Variants in STX18 observed in about 807,000 individuals in gnomAD.
STX18 encodes the protein syntaxin-18.
A neutral mutation model predicts 50.1 loss-of-function variants in STX18; 40 were observed. The observed-to-expected ratio is 0.80, with a 90% CI of 0.62 to 1.04. The LOEUF (loss-of-function observed/expected upper bound fraction) is 1.04, where lower values mean the gene tolerates loss of function less well. STX18 is among the 50% of genes least tolerant of loss of function. The pLI is 0.00. For synonymous variants in STX18, 158 were observed against 151.8 expected (o/e 1.04, Z -0.30); for missense variants, 410 against 415.8 (o/e 0.99, Z 0.12).
chr4:4,512,816 C>G (rs1009290366), intron 1 of STX18, among the ~76,000 whole-genome samples: 7 of 152,140 alleles, frequency 4.6e-5, no homozygotes, highest in Non-Finnish European at 7.3e-5. Context: ...AATATTGTTA[C>G]TAAATATTGC....
intron 3 of STX18, among the ~76,000 whole-genome samples, chr4:4,458,249 T>A (rs887969751): frequency 7.9e-5 from 12 of 152,236 alleles, no homozygotes; most frequent in African/African-American, 2.7e-4. Context: ...TGGTTTCATA[T>A]GTAAATGTAG....
At chr4:4,482,817 G>A (rs958218456) in intron 1 of STX18, among the ~76,000 whole-genome samples, 1 of 152,202 alleles carries the variant, frequency 6.6e-6, no homozygotes, top group African/African-American at 2.4e-5. Context: ...GAGGCAAGCT[G>A]TAAGTGATAA....
rs369110155 is a variant in STX18, at chr4:4,538,563, G to C, written c.168+3234C>G. On this transcript the variant is annotated intron_variant, in intron 1 of 10. Transcript: ENST00000306200. ...AAATATGTCTAAATGGCCTACATGA[G>C]GAGGGGGGAGGTAGTTTGGGGGAAC... is the stretch of plus-strand genomic sequence containing the variant. 1.3e-4 allele frequency among the ~76,000 whole-genome samples: 18 copies of C among 143,396 alleles called. No homozygotes were observed. In the East Asian group the frequency reaches 1.8e-3, roughly 14 times the overall value. 94.1% of individuals were successfully genotyped at this position (143,396 alleles called of 152,430 possible). A position where few individuals can be genotyped will look rare whatever the true frequency, so the allele number is the denominator to read the frequency against.
chr4:4,531,866 A>T (rs910923213), intron 1 of STX18, among the ~76,000 whole-genome samples: 1 of 152,252 alleles, frequency 6.6e-6, no homozygotes, highest in Admixed American at 6.5e-5. Context: ...AACAAAAAAC[A>T]AACTACATTT....
intron 1 of STX18, among the ~76,000 whole-genome samples, chr4:4,517,984 A>G (rs1029951875): frequency 1.1e-4 from 16 of 152,136 alleles, no homozygotes. Context: ...CATGTTGGCC[A>G]GGCTGGTCTC....
rs372566368 is a variant in STX18, at chr4:4,527,867, C to CACATATATATATATATAT, written c.168+13929_168+13930insATATATATATATATATGT. Among the ~76,000 whole-genome samples the CACATATATATATATATAT allele has an allele frequency of 4.2e-3, 582 of 137,176 alleles. 6 individuals carry two copies. Among genetic ancestry groups the CACATATATATATATATAT allele is most frequent in the African/African-American group, 0.015 (565 of 37,838 alleles). The allele number at this position is 137,176 out of a possible 152,430, so 90.0% of individuals were successfully genotyped here. On this transcript the variant is annotated intron_variant, in intron 1 of 10. Transcript: ENST00000306200. ...ATATATATATACACACACACACACA[C>CACATATATATATATATAT]ATATATATATATATTAAAAACTACC...
At chr4:4,504,657 AGACTT>A (rs969218787) in intron 1 of STX18, among the ~76,000 whole-genome samples, 6 of 152,224 alleles carry the variant, frequency 3.9e-5, no homozygotes, top group Non-Finnish European at 8.8e-5. Context: ...AATAGGCAAA[AGACTT>A]GAACAGACAC....
rs73084395 is a variant in STX18, at chr4:4,420,716, C to T, written c.912+148G>A. The T allele has an allele frequency of 0.016, 11,214 of 701,880 alleles. 805 individuals are homozygous for T. The African/African-American group carries it at 0.16, about 10-fold the overall frequency. 43.5% of individuals were successfully genotyped at this position (701,880 alleles called of 1,614,324 possible). ...ACAGGTGGTGGGTCTCATGAACACA[C>T]GCAGCTCCGCGGTCACACAATTTTG... On this transcript the variant is annotated intron_variant, in intron 10 of 10. Coordinates refer to ENST00000306200, the MANE Select transcript of STX18 (RefSeq NM_016930.4). This position sits in a 1 kb window ranked among gnomAD's most constrained non-coding sequence, Gnocchi z 4.3.
At chr4:4,499,803 T>C (rs1729350325) in intron 1 of STX18, among the ~76,000 whole-genome samples, 1 of 152,046 alleles carries the variant, frequency 6.6e-6, no homozygotes, top group Admixed American at 6.5e-5. Flanking sequence ...CCAAACTGCT[T>C]GCTAAATAAA....
intron 1 of STX18, among the ~76,000 whole-genome samples, chr4:4,527,031 C>T (rs965222694): frequency 3.3e-5 from 5 of 152,114 alleles, no homozygotes; most frequent in Non-Finnish European, 7.4e-5. Context: ...GATTTAACTT[C>T]CTCTTGTCAT....
At chr4:4,458,207 G>A (rs1348858619) in intron 3 of STX18, among the ~76,000 whole-genome samples, 1 of 152,182 alleles carries the variant, frequency 6.6e-6, no homozygotes, top group Non-Finnish European at 1.5e-5. Flanking sequence ...AAGAAACTAA[G>A]GTTCAGAGGC....
At chr4:4,507,586 G>C in intron 1 of STX18, 3 of 763,606 alleles carry the variant, frequency 3.9e-6, no homozygotes, top group Non-Finnish European at 7.3e-6. Context: ...CACGACGCAA[G>C]CCTTGAGGAC....
intron 1 of STX18, among the ~76,000 whole-genome samples, chr4:4,477,527 C>T (rs966123909): frequency 2.6e-5 from 4 of 152,204 alleles, no homozygotes; most frequent in African/African-American, 7.2e-5. Flanking sequence ...GTGCTACTCA[C>T]CCACTTCTCC....
intron 6 of STX18, among the ~76,000 whole-genome samples, chr4:4,436,805 G>A (rs2108786766): frequency 6.6e-6 from 1 of 152,270 alleles, no homozygotes; most frequent in East Asian, 1.9e-4. Context: ...CCACTGATGG[G>A]CTTCACTGAT....
At chr4:4,462,850 T>C (rs1727451967) in intron 2 of STX18, among the ~76,000 whole-genome samples, 1 of 152,214 alleles carries the variant, frequency 6.6e-6, no homozygotes, top group Non-Finnish European at 1.5e-5. Flanking sequence ...GTCCTAGCAT[T>C]TGCTGCCCTT....
intron 2 of STX18, among the ~76,000 whole-genome samples, chr4:4,462,473 C>G (rs182440836): frequency 6.6e-6 from 1 of 152,336 alleles, no homozygotes; most frequent in East Asian, 1.9e-4. Context: ...AGCCCATGCT[C>G]TTTCACAGGG....
At position 4,465,037 on chromosome 4, in the gene STX18, G is replaced by C. The variant is rs185303886; in HGVS notation, c.237-5550C>G. Among the ~76,000 whole-genome samples the C allele has an allele frequency of 1.8e-3, 276 of 152,088 alleles. 1 individual carries two copies. The highest frequency in any genetic ancestry group is 3.0e-3 in the Non-Finnish European group (206 of 67,996). ...GTTTTGATGTTAGGTGTTAACTCGA[G>C]ATCTTTTTAGCTTTTTGATGTGGGC... On this transcript the variant is annotated intron_variant, in intron 2 of 10. Transcript: ENST00000306200.
At chr4:4,541,605 G>T (rs1731599315) in intron 1 of STX18, among the ~76,000 whole-genome samples, 192 bp downstream of exon 1, 1 of 151,490 alleles carries the variant, frequency 6.6e-6, no homozygotes, top group South Asian at 2.1e-4. Context: ...CCCAATATGC[G>T]TCCCCCTTCC....
intron 1 of STX18, among the ~76,000 whole-genome samples, chr4:4,529,967 A>C (rs1428984635): frequency 6.6e-6 from 1 of 152,168 alleles, no homozygotes; most frequent in Non-Finnish European, 1.5e-5. Flanking sequence ...CAGGAAAATT[A>C]CTCCCTTTAC....
Sources: allele counts gnomAD v4.1 joint callset (sites outside exome capture counted in the v4.1 genomes callset), GRCh38; gene constraint gnomAD v4.1.1; non-coding constraint Gnocchi (gnomAD v3.1); transcripts MANE v1.5; gene names NCBI Gene and HGNC (gene_info 2026-07-23, HGNC 2026-07-21).